Variants in NPIPB5 observed in about 807,000 individuals in gnomAD.
The protein encoded by NPIPB5 is nuclear pore complex interacting protein family member B5, also known as nuclear pore complex-interacting protein family member B5.
For missense variants in NPIPB5, 10 were observed against 414.7 expected, an observed-to-expected ratio of 0.02 and a Z score of 8.48; for synonymous variants, 1 against 168.2, an observed-to-expected ratio of 0.01 and a Z score of 7.69.
At position 22,518,103 on chromosome 16, in the gene NPIPB5, CAG is replaced by C; in HGVS notation, c.120+4183_120+4184del. Among the ~76,000 whole-genome samples the C allele has an allele frequency of 1.1e-4, 5 of 46,332 alleles. 1 individual carries two copies. The Admixed American group carries it at 1.3e-3, about 12-fold the overall frequency. The allele number at this position is 46,332 out of a possible 152,430, so 30.4% of individuals were successfully genotyped here. ...GCTAATTTTTGTATTTTATTAGAGA[CAG>C]GGTTTCACCATATTGGCCAGGCTGG... On this transcript the variant is annotated intron_variant, in intron 1 of 6. Transcript: ENST00000424340.
downstream of NPIPB5, chr16:22,536,474 C>T (rs2049912701): frequency 7.1e-6 from 1 of 141,734 alleles, no homozygotes; most frequent in African/African-American, 3.1e-5. Flanking sequence ...AAAACCCACA[C>T]TCCAAAAACT....
chr16:22,518,201 C>G (rs2049807101), intron 1 of NPIPB5, among the ~76,000 whole-genome samples: 1 of 41,844 alleles, frequency 2.4e-5, no homozygotes, highest in Admixed American at 2.5e-4. Flanking sequence ...GCGTGAGCCA[C>G]CACACCCAGC....
At chr16:22,529,371 A>G (rs2049858902) in intron 4 of NPIPB5, among the ~76,000 whole-genome samples, 2 of 150,700 alleles carry the variant, frequency 1.3e-5, no homozygotes, top group East Asian at 4.0e-4. Context: ...TCGTCGGTGC[A>G]GGCTCAGTCC....
At chr16:22,536,035 G>A (rs1162759127) in exon 7 of NPIPB5, 2 of 12,912 alleles carry the variant, frequency 1.5e-4, no homozygotes, top group East Asian at 6.3e-3. Flanking sequence ...TACTCAGGAG[G>A]CTGAGGCAGA....
At chr16:22,528,692 A>ATTTGTTTTTTT in intron 4 of NPIPB5, among the ~76,000 whole-genome samples, 1 of 49,202 alleles carries the variant, frequency 2.0e-5, no homozygotes, top group African/African-American at 9.8e-5. Context: ...CATTTGACCA[A>ATTTGTTTTTTT]TTTTTTTTTT....
chr16:22,517,760 C>T (rs1448636644), intron 1 of NPIPB5, among the ~76,000 whole-genome samples: 13 of 36,456 alleles, frequency 3.6e-4, no homozygotes, highest in African/African-American at 1.2e-3. Context: ...AGGCTGGTCT[C>T]GAACTCCTAA....
chr16:22,517,849 C>G (rs1330761918), intron 1 of NPIPB5, among the ~76,000 whole-genome samples: 7 of 124,906 alleles, frequency 5.6e-5, no homozygotes, highest in Non-Finnish European at 8.6e-5. Flanking sequence ...AAATCTAGGG[C>G]AGGAACATGG....
chr16:22,510,572 G>A (rs1379985286), upstream of NPIPB5, among the ~76,000 whole-genome samples: 1 of 23,496 alleles, frequency 4.3e-5, no homozygotes, highest in Non-Finnish European at 6.2e-5. Context: ...GCAGTGAGCC[G>A]AGATCCCACC....
chr16:22,528,609 AC>A (rs2049836423), intron 4 of NPIPB5, among the ~76,000 whole-genome samples: 1 of 113,474 alleles, frequency 8.8e-6, no homozygotes, highest in Non-Finnish European at 1.8e-5. Context: ...GCTCACTGCA[AC>A]CTCTGCCTCC....
intron 1 of NPIPB5, among the ~76,000 whole-genome samples, chr16:22,514,889 C>CAT (rs2049786767): frequency 2.3e-5 from 1 of 43,954 alleles, no homozygotes; most frequent in African/African-American, 2.5e-4. Context: ...CACACACACA[C>CAT]ACACACACAC....
chr16:22,527,715 A>C (rs1362408323), intron 3 of NPIPB5, 50 bp downstream of exon 3: 1 of 31,478 alleles, frequency 3.2e-5, no homozygotes, highest in Admixed American at 3.5e-4. Context: ...TTGCCCTGGA[A>C]AGGGAAAGAA....
At position 22,528,692 on chromosome 16, in the gene NPIPB5, A is replaced by ATTTTTTTTTTTTT. The variant is rs1175345253; in HGVS notation, c.545+736_545+748dup. ...AGGTGTGTGCCACCACATTTGACCAATTTTTTTTTTTTTTTTTTTTTTTTT... is the reference window on the plus strand; with the variant it reads ...AGGTGTGTGCCACCACATTTGACCAATTTTTTTTTTTTTTTTTTTTTTTTTTTTTTTTTTTTTT... On this transcript the variant is annotated intron_variant, in intron 4 of 6. Coordinates refer to ENST00000424340, the Ensembl canonical transcript of NPIPB5. Among the ~76,000 whole-genome samples, 38 of 49,200 alleles carry ATTTTTTTTTTTTT rather than the reference A, an allele frequency of 7.7e-4. 1 individual carries two copies. Among genetic ancestry groups the ATTTTTTTTTTTTT allele is most frequent in the South Asian group, 2.1e-3 (2 of 964 alleles). 32.3% of individuals were successfully genotyped at this position (49,200 alleles called of 152,430 possible).
chr16:22,510,718 C>G (rs1450471957), upstream of NPIPB5, among the ~76,000 whole-genome samples: 11 of 86,630 alleles, frequency 1.3e-4, no homozygotes, highest in Admixed American at 3.4e-4. Flanking sequence ...ATGATGGAAA[C>G]AATAGTTATG....
upstream of NPIPB5, among the ~76,000 whole-genome samples, chr16:22,511,095 G>A (rs1245305022): frequency 1.8e-3 from 8 of 4,526 alleles, no homozygotes; most frequent in Non-Finnish European, 2.4e-3. Context: ...TGGAACTCCC[G>A]ACCTCAGGTG....
At chr16:22,534,559 G>A (rs1402528116) in exon 7 of NPIPB5, 1 of 1,611,548 alleles carries the variant, frequency 6.2e-7, no homozygotes, top group Non-Finnish European at 8.5e-7. Flanking sequence ...TCCACCCTCA[G>A]CAGATGATAA....
In NPIPB5 at chr16:22,534,100, C is replaced by CT; in HGVS notation, c.1118dup (p.Leu374AlafsTer10). On this transcript the variant is annotated frameshift_variant, in exon 7 of 7. Transcript: ENST00000424340. LOFTEE classifies it high-confidence loss of function. Reference sequence around the variant, plus strand: ...TAATCTCAAGACACGTGCCGAGTGTCTGCTCCATCCCCTTCCACCCTCAGC... The same window carrying CT: ...TAATCTCAAGACACGTGCCGAGTGTCTTGCTCCATCCCCTTCCACCCTCAGC... 9.7e-7 allele frequency: 1 copy of CT among 1,030,862 alleles called. No individual in the cohort carries two copies. Among genetic ancestry groups the CT allele is most frequent in the Non-Finnish European group, 1.4e-6 (1 of 706,352 alleles). 63.9% of individuals were successfully genotyped at this position (1,030,862 alleles called of 1,614,324 possible). A position where few individuals can be genotyped will look rare whatever the true frequency, so the allele number is the denominator to read the frequency against.
intron 1 of NPIPB5, among the ~76,000 whole-genome samples, chr16:22,517,808 G>A (rs2049799888): frequency 1.0e-5 from 1 of 96,696 alleles, no homozygotes; most frequent in Non-Finnish European, 2.1e-5. Context: ...CAAAGTGCTG[G>A]GATTACAGGC....
chr16:22,510,816 C>A (rs1321322223), upstream of NPIPB5, among the ~76,000 whole-genome samples: 1 of 87,028 alleles, frequency 1.1e-5, no homozygotes, highest in Non-Finnish European at 1.9e-5. Flanking sequence ...TGACTGACAG[C>A]ATCATATCAG....
rs1276987887 is a variant in NPIPB5, at chr16:22,536,309, C to CA, written c.3327dup (p.Arg1110ThrfsTer10). The CA allele has an allele frequency of 5.1e-5, 4 of 77,884 alleles. No homozygotes were observed. Among genetic ancestry groups the CA allele is most frequent in the Non-Finnish European group, 7.5e-5 (4 of 52,998 alleles). 4.8% of individuals were successfully genotyped at this position (77,884 alleles called of 1,614,324 possible). On this transcript the variant is annotated frameshift_variant, in exon 7 of 7. Coordinates refer to ENST00000424340, the Ensembl canonical transcript of NPIPB5. LOFTEE classifies it high-confidence loss of function. ...CGGAGGGTCGGTGACGTGGAACCGT[C>CA]ACGCAAACCCAAGAGGCGGAGGGCC... is the stretch of plus-strand genomic sequence containing the variant.
Sources: allele counts gnomAD v4.1 joint callset (sites outside exome capture counted in the v4.1 genomes callset), GRCh38; gene constraint gnomAD v4.1.1; transcripts MANE v1.5; gene names NCBI Gene and HGNC (gene_info 2026-07-23, HGNC 2026-07-21).